KIF6: variants seen among roughly 807,000 people sequenced by gnomAD.
KIF6 encodes the protein kinesin family member 6.
Under a neutral mutation model 112.7 loss-of-function variants are expected in KIF6, and 106 were observed. The observed-to-expected ratio is 0.94, with a 90% confidence interval of 0.80 to 1.11. KIF6 has a LOEUF of 1.11. Ranked by LOEUF, KIF6 falls within the 50% of genes least tolerant of loss-of-function variation. The pLI, the probability that KIF6 is intolerant of heterozygous loss-of-function variation, is 0.00. For missense variants in KIF6, 929 were observed against 964.0 expected, an observed-to-expected ratio of 0.96 and a Z score of 0.48; for synonymous variants, 339 against 339.9, an observed-to-expected ratio of 1.00 and a Z score of 0.03.
At chr6:39,382,216 A>T (rs1404330065) in intron 16 of KIF6, among the ~76,000 whole-genome samples, 1 of 152,184 alleles carries the variant, frequency 6.6e-6, no homozygotes, top group Admixed American at 6.5e-5. Flanking sequence ...GTTTATTACA[A>T]GGGTATATTG....
chr6:39,349,785 G>A (rs1042306317), intron 19 of KIF6, among the ~76,000 whole-genome samples: 7 of 151,782 alleles, frequency 4.6e-5, no homozygotes, highest in African/African-American at 1.7e-4. Flanking sequence ...TGGGACTACA[G>A]GCACGCACCA....
chr6:39,646,397 C>T (rs544656739), intron 3 of KIF6, among the ~76,000 whole-genome samples: 2 of 151,792 alleles, frequency 1.3e-5, no homozygotes, highest in Non-Finnish European at 2.9e-5. Flanking sequence ...ACATTTTGTC[C>T]ACCCAAAGAA....
At chr6:39,623,276 G>T (rs188970356) in intron 5 of KIF6, among the ~76,000 whole-genome samples, 18 of 151,778 alleles carry the variant, frequency 1.2e-4, no homozygotes, top group African/African-American at 2.2e-4. Context: ...TGTTCTTCTT[G>T]GTTGTCTATC....
At chr6:39,485,351 A>G (rs9367009) in intron 13 of KIF6, among the ~76,000 whole-genome samples, 9,228 of 152,194 alleles carry the variant, frequency 0.061, 498 homozygotes, top group East Asian at 0.25. Flanking sequence ...CAATTTCTTT[A>G]AAAACCACTA....
chr6:39,384,549 C>T (rs1484508479), intron 16 of KIF6, among the ~76,000 whole-genome samples: 1 of 152,182 alleles, frequency 6.6e-6, no homozygotes, highest in East Asian at 1.9e-4. Context: ...GTTCTATGTT[C>T]CTGATGTAAT....
At chr6:39,337,172 C>CTTCTTTCTTTTTCTTTCT in intron 22 of KIF6, among the ~76,000 whole-genome samples, 3 of 59,520 alleles carry the variant, frequency 5.0e-5, no homozygotes, top group Middle Eastern at 0.018. Flanking sequence ...TCTTTCCTTC[C>CTTCTTTCTTTTTCTTTCT]TTCTTTCTTT....
intron 13 of KIF6, among the ~76,000 whole-genome samples, chr6:39,474,009 G>C (rs1017982532): frequency 1.3e-5 from 2 of 152,072 alleles, no homozygotes; most frequent in Non-Finnish European, 2.9e-5. Context: ...TGGAAAATCC[G>C]ATCCCCGAAA....
At position 39,544,588 on chromosome 6, in the gene KIF6, G is replaced by A. The variant is rs149018745; in HGVS notation, c.1393C>T (p.Arg465Ter). 40 of 1,610,524 alleles carry A rather than the reference G, an allele frequency of 2.5e-5. No individual in the cohort carries two copies. The highest frequency in any genetic ancestry group is 1.7e-4 in the Middle Eastern group (1 of 6,060). The change falls in exon 12 of 23, where the codon CGA (arginine) becomes TGA (stop). Residue 465 changes from arginine (R) to a stop codon, truncating the protein, a stop_gained. Coordinates refer to ENST00000287152, the MANE Select transcript of KIF6 (RefSeq NM_145027.6). LOFTEE classifies it high-confidence loss of function. ...TTATCTCTCTGTTTCAGAATATCTC[G>A]TAGCTTTCTATATTCTTCTTCTTTT... ...PLKEEEYRKL[R>*]DILKQRDNEI...
At chr6:39,534,868 C>T (rs573481153) in intron 13 of KIF6, among the ~76,000 whole-genome samples, 6 of 152,294 alleles carry the variant, frequency 3.9e-5, no homozygotes, top group African/African-American at 1.4e-4. Flanking sequence ...GATCTCTTGG[C>T]AGAAATTCTA....
chr6:39,377,049 G>A (rs1246050267), intron 16 of KIF6, among the ~76,000 whole-genome samples: 1 of 152,030 alleles, frequency 6.6e-6, no homozygotes, highest in Non-Finnish European at 1.5e-5. Flanking sequence ...AGAGGATGCT[G>A]GAAGATCCCC....
At position 39,343,703 on chromosome 6, in the gene KIF6, A is replaced by C; in HGVS notation, c.2428+6T>G. 4 of 1,597,910 alleles carry C rather than the reference A, an allele frequency of 2.5e-6. No individual in the cohort carries two copies. Among genetic ancestry groups the C allele is most frequent in the Non-Finnish European group, 3.4e-6 (4 of 1,171,020 alleles). ...CAGGAGGAGCCACCGAGGGAGGTGC[A>C]CTTACATTGCTTCTGCAGAATGCTC... On this transcript the variant is annotated splice_donor_region_variant and intron_variant, in intron 22 of 22. Coordinates refer to ENST00000287152, the MANE Select transcript of KIF6 (RefSeq NM_145027.6). This position sits in a 1 kb window ranked among gnomAD's most constrained non-coding sequence, Gnocchi z 4.1.
At chr6:39,389,348 G>A (rs573933127) in intron 15 of KIF6, among the ~76,000 whole-genome samples, 28 of 152,264 alleles carry the variant, frequency 1.8e-4, no homozygotes, top group Non-Finnish European at 3.7e-4. Flanking sequence ...CTCCCTGAGT[G>A]GCTGTCTGCT....
At chr6:39,430,239 T>C (rs895553336) in intron 14 of KIF6, among the ~76,000 whole-genome samples, 8 of 152,180 alleles carry the variant, frequency 5.3e-5, no homozygotes, top group African/African-American at 1.4e-4. Flanking sequence ...GGCTCCCCTC[T>C]TTAGGCCTCA....
chr6:39,419,703 T>C (rs978033129), intron 15 of KIF6, among the ~76,000 whole-genome samples: 2 of 152,198 alleles, frequency 1.3e-5, no homozygotes, highest in Admixed American at 6.5e-5. Flanking sequence ...CTGATTGGGA[T>C]GCTGGAGCTC....
chr6:39,669,321 CAA>C (rs990527581), intron 3 of KIF6, among the ~76,000 whole-genome samples: 5 of 152,280 alleles, frequency 3.3e-5, no homozygotes, highest in African/African-American at 9.6e-5. Flanking sequence ...TAAAATCATT[CAA>C]AGAGTTCTTT....
chr6:39,343,471 G>C lies in KIF6; in HGVS notation c.2428+238C>G. On this transcript the variant is annotated intron_variant, in intron 22 of 22. Coordinates refer to ENST00000287152, the MANE Select transcript of KIF6 (RefSeq NM_145027.6). The surrounding 1 kb of genome is among the most constrained non-coding windows in gnomAD (Gnocchi z 4.1). ...ACAGAGAGCAAGCTCTGCCAAGAGG[G>C]ACAGGAGCACCTGGGCCGCCCACCC... 1.4e-6 allele frequency: 2 copies of C among 1,473,656 alleles called. No individual in the cohort carries two copies. Among genetic ancestry groups the C allele is most frequent in the Non-Finnish European group, 9.0e-7 (1 of 1,107,594 alleles). 91.3% of individuals were successfully genotyped at this position (1,473,656 alleles called of 1,614,324 possible).
chr6:39,611,655 T>C (rs1783222005), intron 6 of KIF6, among the ~76,000 whole-genome samples: 1 of 152,188 alleles, frequency 6.6e-6, no homozygotes, highest in South Asian at 2.1e-4. Context: ...CTTATAGAAG[T>C]TTATGAATCT....
intron 19 of KIF6, among the ~76,000 whole-genome samples, chr6:39,350,234 TAAAG>T (rs1764130825): frequency 6.6e-6 from 1 of 151,944 alleles, no homozygotes; most frequent in Non-Finnish European, 1.5e-5. Flanking sequence ...GGGAAGCACA[TAAAG>T]AAAGCGCCTT....
chr6:39,375,036 C>T (rs191169019), intron 16 of KIF6, among the ~76,000 whole-genome samples: 12 of 152,178 alleles, frequency 7.9e-5, no homozygotes, highest in Non-Finnish European at 1.6e-4. Context: ...AACCCTTAAA[C>T]GAGAAGGAAA....
Sources: allele counts gnomAD v4.1 joint callset (sites outside exome capture counted in the v4.1 genomes callset), GRCh38; gene constraint gnomAD v4.1.1; non-coding constraint Gnocchi (gnomAD v3.1); transcripts MANE v1.5; gene names NCBI Gene and HGNC (gene_info 2026-07-23, HGNC 2026-07-21).